Variants in FYB1 observed in about 807,000 individuals in gnomAD.
FYB1 encodes FYN binding protein 1, also known as FYN-binding protein 1.
Under a neutral mutation model 94.1 loss-of-function variants are expected in FYB1, and 41 were observed. The ratio of observed to expected loss-of-function variants is 0.44; its 90% CI spans 0.34 to 0.57. The LOEUF (loss-of-function observed/expected upper bound fraction) is 0.57, where lower values mean the gene tolerates loss of function less well. Among genes scored for constraint, FYB1 ranks in the 20% least tolerant of loss-of-function variants. FYB1 has a pLI of 0.02. For missense variants in FYB1, 1,050 were observed against 976.8 expected (o/e 1.07, Z -1.00); for synonymous variants, 367 against 353.2 (o/e 1.04, Z -0.44).
At chr5:39,274,451 T>A (rs920709792) in exon 1 of FYB1, 2 of 152,152 alleles carry the variant, frequency 1.3e-5, no homozygotes, top group Non-Finnish European at 2.9e-5. Context: ...CTCCTGTTTT[T>A]TTCTGGAAGC....
rs540692240 is a variant in FYB1 at position 39,202,597 on chromosome 5, T to C, written c.364A>G (p.Lys122Glu). The C allele has an allele frequency of 9.3e-6, 15 of 1,613,906 alleles. No homozygotes were observed. The highest frequency in any genetic ancestry group is 3.3e-5 in the South Asian group (3 of 91,076). The change falls in exon 2 of 19, where the codon AAA becomes GAA. Residue 122 changes from lysine to glutamate, a missense_variant. By Grantham distance (56) the Lys-to-Glu change is moderately conservative (BLOSUM62 1). Transcript: ENST00000512982. ...PVGPKPINLP[K>E]EDSKPTFPWP... is the part of the protein sequence containing the mutation. The stretch of plus-strand genomic sequence containing the variant: ...GGAAATGTAGGTTTGGAATCTTCTT[T>C]GGGCAAGTTGATGGGCTTGGGGCCT...
chr5:39,129,647 A>G (rs1741007823), intron 10 of FYB1, among the ~76,000 whole-genome samples: 1 of 152,138 alleles, frequency 6.6e-6, no homozygotes, highest in South Asian at 2.1e-4. Context: ...AGGTGGGCAA[A>G]GGATCTAAAA....
At chr5:39,241,013 T>C (rs1045981639) in intron 1 of FYB1, among the ~76,000 whole-genome samples, 1 of 152,188 alleles carries the variant, frequency 6.6e-6, no homozygotes, top group Non-Finnish European at 1.5e-5. Flanking sequence ...TCATGTCCTC[T>C]GGAGCAACTT....
intron 3 of FYB1, among the ~76,000 whole-genome samples, chr5:39,145,093 T>C (rs1742528120): frequency 6.6e-6 from 1 of 152,144 alleles, no homozygotes; most frequent in African/African-American, 2.4e-5. Context: ...GAGTTTATAG[T>C]TGTCGAAGTT....
chr5:39,273,999 A>G (rs1752731807), intron 1 of FYB1, among the ~76,000 whole-genome samples: 1 of 151,660 alleles, frequency 6.6e-6, no homozygotes, highest in Non-Finnish European at 1.5e-5. Flanking sequence ...ATCTCAGCTC[A>G]CTGCAACCTC....
intron 2 of FYB1, among the ~76,000 whole-genome samples, chr5:39,193,732 A>C (rs1187654105): frequency 6.6e-6 from 1 of 152,216 alleles, no homozygotes; most frequent in Non-Finnish European, 1.5e-5. Context: ...CGAGAGGCAG[A>C]AGGGGGATGA....
intron 10 of FYB1, among the ~76,000 whole-genome samples, chr5:39,129,015 C>T (rs1342037700): frequency 2.0e-5 from 3 of 151,930 alleles, no homozygotes; most frequent in Admixed American, 1.3e-4. Flanking sequence ...CATTAATAGC[C>T]AAAGCAATCC....
intron 2 of FYB1, among the ~76,000 whole-genome samples, chr5:39,187,860 A>ATTAATATT (rs1746984394): frequency 6.6e-6 from 1 of 152,056 alleles, no homozygotes; most frequent in Admixed American, 6.6e-5. Flanking sequence ...ATATTTAATG[A>ATTAATATT]ATAGTAATTA....
chr5:39,213,662 G>T (rs1056283148), intron 1 of FYB1, among the ~76,000 whole-genome samples: 1 of 152,188 alleles, frequency 6.6e-6, no homozygotes, highest in African/African-American at 2.4e-5. Flanking sequence ...TTTAGTCTCT[G>T]TGTGTGTGTT....
At chr5:39,141,001 T>C in intron 4 of FYB1, 94 bp downstream of exon 4, 1 of 815,004 alleles carries the variant, frequency 1.2e-6, no homozygotes, top group Non-Finnish European at 2.1e-6. Context: ...CCAGTGATGA[T>C]AATGACCCAT....
intron 2 of FYB1, among the ~76,000 whole-genome samples, chr5:39,159,147 T>A (rs1744022325): frequency 6.6e-6 from 1 of 152,196 alleles, no homozygotes. Flanking sequence ...ACATATAAAA[T>A]CATTTCTGTT....
intron 2 of FYB1, among the ~76,000 whole-genome samples, chr5:39,176,137 GTTTTTTTTTTTTTTTTT>G (rs70982547): frequency 1.6e-5 from 1 of 61,640 alleles, no homozygotes; most frequent in Admixed American, 2.6e-4. Context: ...TTTTTTTTCT[GTTTTTTTTTTTTTTTTT>G]TTTTTTTTTT....
chr5:39,128,602 G>T (rs1201817480), intron 10 of FYB1, among the ~76,000 whole-genome samples: 1 of 152,078 alleles, frequency 6.6e-6, no homozygotes, highest in Non-Finnish European at 1.5e-5. Flanking sequence ...ACTGGAATAA[G>T]TCAAGACTGT....
Position 39,126,004 on chromosome 5 carries a change from C to T in FYB1, c.2039G>A (p.Gly680Asp). Residue 680 changes from glycine to aspartate, a missense_variant, in exon 12 of 19, where the codon GGT (glycine) becomes GAT (aspartate). Transcript: ENST00000512982. Reference protein sequence around the residue: ...PKVSDSDNNEGSSFPAPPKQL... With the variant: ...PKVSDSDNNEDSSFPAPPKQL... ...TTGGTTGGTTGACTCTTACGATGAA[C>T]CTTCATTATTGTCTGAGTCAGAGAC... is the stretch of plus-strand genomic sequence containing the variant. The T allele has an allele frequency of 6.2e-7, 1 of 1,612,982 alleles. No individual in the cohort carries two copies. The highest frequency in any genetic ancestry group is 8.5e-7 in the Non-Finnish European group (1 of 1,179,496).
chr5:39,202,355 C>G lies in FYB1; in HGVS notation c.606G>C (p.Pro202=). 1 of 1,613,900 alleles carries G rather than the reference C, an allele frequency of 6.2e-7. No homozygotes were observed. The highest frequency in any genetic ancestry group is 8.5e-7 in the Non-Finnish European group (1 of 1,179,862). The stretch of plus-strand genomic sequence containing the variant: ...CATGGGAGTTCTCGGTACTTAGGGG[C>G]GGCTTCTGGCCAAAGGCGGGTTTGG... ...LFPKPAFGQK[P]PLSTENSHED... is the part of the protein sequence containing the mutation. The change falls in exon 2 of 19, where the codon CCG becomes CCC. Residue 202 remains proline, a synonymous_variant. Transcript: ENST00000512982.
At chr5:39,269,271 G>A (rs1322993599) in intron 1 of FYB1, among the ~76,000 whole-genome samples, 5 of 151,052 alleles carry the variant, frequency 3.3e-5, no homozygotes, top group South Asian at 4.2e-4. Flanking sequence ...GGATGGTCTC[G>A]ATCTCCTGAC....
At chr5:39,191,973 T>A (rs1456675856) in intron 2 of FYB1, among the ~76,000 whole-genome samples, 1 of 152,230 alleles carries the variant, frequency 6.6e-6, no homozygotes. Context: ...TCTTCTGGCA[T>A]AGAAATCCAT....
chr5:39,236,012 C>T (rs1360642738), intron 1 of FYB1, among the ~76,000 whole-genome samples: 1 of 151,936 alleles, frequency 6.6e-6, no homozygotes, highest in African/African-American at 2.4e-5. Flanking sequence ...TAAACAGCCA[C>T]ATGTGGCTTG....
intron 4 of FYB1, among the ~76,000 whole-genome samples, chr5:39,140,636 G>A (rs939833787): frequency 6.6e-6 from 1 of 152,174 alleles, no homozygotes; most frequent in African/African-American, 2.4e-5. Context: ...ACAAGAAGGT[G>A]TATTGCATTG....
Sources: gnomAD v4.1 joint callset for allele counts (sites outside exome capture counted in the v4.1 genomes callset) on GRCh38, gnomAD v4.1.1 for gene constraint, MANE v1.5 for transcripts, NCBI Gene and HGNC (gene_info 2026-07-23, HGNC 2026-07-21) for gene names.